Variants in IQCM observed in about 807,000 individuals in gnomAD.
IQCM encodes the protein IQ domain-containing protein M.
In IQCM, 45 loss-of-function variants were observed where a neutral mutation model predicts 57.6. That is an observed-to-expected ratio of 0.78 (90% confidence interval 0.62 to 1.00). The LOEUF is 1.00. Ranked by LOEUF, IQCM falls within the 50% of genes least tolerant of loss-of-function variation. IQCM has a pLI of 0.00. For synonymous variants in IQCM, 148 were observed against 158.9 expected (o/e 0.93, Z 0.51); for missense variants, 468 against 511.6 (o/e 0.91, Z 0.82).
intron 2 of IQCM, among the ~76,000 whole-genome samples, chr4:149,812,274 T>G (rs1022355366): frequency 3.3e-5 from 5 of 152,158 alleles, no homozygotes; most frequent in Admixed American, 3.3e-4. Flanking sequence ...GCAAATCCTT[T>G]GTTGTGGAAG....
intron 13 of IQCM, among the ~76,000 whole-genome samples, chr4:149,409,455 G>C (rs1318212877): frequency 6.6e-6 from 1 of 152,222 alleles, no homozygotes; most frequent in Non-Finnish European, 1.5e-5. Flanking sequence ...ATTTCACTAA[G>C]TAGAAATCAC....
intron 2 of IQCM, among the ~76,000 whole-genome samples, chr4:149,785,010 A>G (rs1316570926): frequency 2.6e-5 from 4 of 152,232 alleles, no homozygotes; most frequent in African/African-American, 9.6e-5. Context: ...AGGGAAGTTA[A>G]CAGATACGAA....
chr4:149,478,089 A>C (rs1315243443), intron 12 of IQCM, among the ~76,000 whole-genome samples: 2 of 152,196 alleles, frequency 1.3e-5, no homozygotes. Context: ...AATTACTTAG[A>C]ATACTGCCAG....
At chr4:149,790,135 T>C in intron 2 of IQCM, 1 of 611,294 alleles carries the variant, frequency 1.6e-6, no homozygotes, top group Non-Finnish European at 2.7e-6. Context: ...TATGGCAGGT[T>C]GGAATGATCT....
chr4:149,798,966 A>C (rs1295624109), intron 2 of IQCM, among the ~76,000 whole-genome samples: 1 of 151,924 alleles, frequency 6.6e-6, no homozygotes, highest in East Asian at 1.9e-4. Context: ...CTTAATTTGC[A>C]CTATACACCA....
intron 7 of IQCM, among the ~76,000 whole-genome samples, chr4:149,677,342 G>T (rs1456048676): frequency 6.6e-6 from 1 of 152,048 alleles, no homozygotes; most frequent in Non-Finnish European, 1.5e-5. Flanking sequence ...CACTCCAGGA[G>T]CATGGGCACA....
At chr4:149,470,372 A>C (rs754216105) in intron 12 of IQCM, among the ~76,000 whole-genome samples, 16 of 152,184 alleles carry the variant, frequency 1.1e-4, no homozygotes, top group Non-Finnish European at 1.9e-4. Flanking sequence ...AAAGGAGACA[A>C]AGAAGGCCAT....
intron 12 of IQCM, among the ~76,000 whole-genome samples, chr4:149,538,004 A>G (rs952893890): frequency 6.6e-6 from 1 of 151,498 alleles, no homozygotes; most frequent in African/African-American, 2.4e-5. Flanking sequence ...GAGCAAAGGA[A>G]ATCGTAAATG....
chr4:149,534,510 C>A (rs1466571005), intron 12 of IQCM, among the ~76,000 whole-genome samples: 3 of 152,038 alleles, frequency 2.0e-5, no homozygotes, highest in Non-Finnish European at 4.4e-5. Context: ...ATATCCAAAC[C>A]ACTGAACAAC....
chr4:149,653,458 CAT>C (rs1759371328), intron 7 of IQCM, among the ~76,000 whole-genome samples: 1 of 151,878 alleles, frequency 6.6e-6, no homozygotes, highest in Admixed American at 6.6e-5. Flanking sequence ...ATCTATATAA[CAT>C]ATATGTGTGT....
At chr4:149,575,990 C>A (rs1330868516) in intron 9 of IQCM, among the ~76,000 whole-genome samples, 1 of 151,708 alleles carries the variant, frequency 6.6e-6, no homozygotes, top group Non-Finnish European at 1.5e-5. Flanking sequence ...AAATTCAGTT[C>A]AAAAAACACA....
At chr4:149,697,531 G>A (rs978149169) in intron 5 of IQCM, among the ~76,000 whole-genome samples, 1 of 152,072 alleles carries the variant, frequency 6.6e-6, no homozygotes, top group Non-Finnish European at 1.5e-5. Flanking sequence ...GAGTCAGGAC[G>A]TGCCATAAAT....
At chr4:149,646,465 T>A (rs1758645890) in intron 7 of IQCM, among the ~76,000 whole-genome samples, 1 of 152,170 alleles carries the variant, frequency 6.6e-6, no homozygotes, top group South Asian at 2.1e-4. Flanking sequence ...CTCTCTCTTT[T>A]CTGTTAGTCT....
At chr4:149,791,465 T>C (rs1385015880) in intron 2 of IQCM, among the ~76,000 whole-genome samples, 1 of 152,116 alleles carries the variant, frequency 6.6e-6, no homozygotes, top group Non-Finnish European at 1.5e-5. Flanking sequence ...TTTTGAAATA[T>C]GCAAAAAAAT....
chr4:149,497,166 G>A (rs1419425017), intron 12 of IQCM, among the ~76,000 whole-genome samples: 3 of 152,020 alleles, frequency 2.0e-5, no homozygotes, highest in Admixed American at 2.0e-4. Flanking sequence ...AATGCTCTGA[G>A]TGACCCCAGC....
chr4:149,512,532 T>C (rs2149812500), intron 12 of IQCM, among the ~76,000 whole-genome samples: 1 of 152,332 alleles, frequency 6.6e-6, no homozygotes. Context: ...GTTTAATTTC[T>C]TTCTCTTTTA....
At position 149,553,366 on chromosome 4, in the gene IQCM, T is replaced by A; in HGVS notation, c.949-79A>T. The A allele has an allele frequency of 2.7e-6, 3 of 1,113,950 alleles. No individual in the cohort carries two copies. In the African/African-American group the frequency reaches 4.8e-5, roughly 18 times the overall value. 69.0% of individuals were successfully genotyped at this position (1,113,950 alleles called of 1,614,324 possible). On this transcript the variant is annotated intron_variant, in intron 10 of 13. Transcript: ENST00000636793. ...TTTCGCCTCTTTCATTTAGTCTATT[T>A]CACCTAGTTTCTAAGATTATGGGTG...
chr4:149,601,779 C>T lies in IQCM; in HGVS notation c.682-13782G>A, dbSNP rs143956233. Among the ~76,000 whole-genome samples, 369 of 152,190 alleles carry T rather than the reference C, an allele frequency of 2.4e-3. 2 individuals carry two copies. The highest frequency in any genetic ancestry group is 0.015 in the South Asian group (73 of 4,824). On this transcript the variant is annotated intron_variant, in intron 8 of 13. Transcript: ENST00000636793. Reference sequence around the variant, plus strand: ...TGGATTAGAAATATGTTTTATATGGCCTGGCGCGGTGGCTCATGCCTGTAA... The same window carrying T: ...TGGATTAGAAATATGTTTTATATGGTCTGGCGCGGTGGCTCATGCCTGTAA...
At chr4:149,505,932 A>G (rs1490454472) in intron 12 of IQCM, among the ~76,000 whole-genome samples, 1 of 152,222 alleles carries the variant, frequency 6.6e-6, no homozygotes, top group Non-Finnish European at 1.5e-5. Flanking sequence ...GTAAATGTCA[A>G]AACATTCTAA....
Sources: allele counts gnomAD v4.1 joint callset (sites outside exome capture counted in the v4.1 genomes callset), GRCh38; gene constraint gnomAD v4.1.1; transcripts MANE v1.5; gene names NCBI Gene and HGNC (gene_info 2026-07-23, HGNC 2026-07-21).